The following CLIC5 variants were observed in gnomAD, a reference collection of about 807,000 sequenced individuals.
The protein encoded by CLIC5 is CLIC family member 5, also known as chloride intracellular channel protein 5.
CLIC5 carries 20 observed loss-of-function variants against 24.7 expected under a neutral mutation model. The observed-to-expected ratio is 0.81, with a 90% CI of 0.57 to 1.18. The LOEUF (loss-of-function observed/expected upper bound fraction) is 1.18. Ranked by LOEUF, CLIC5 falls within the 50% of genes most tolerant of loss-of-function variation. The pLI, the probability that CLIC5 is intolerant of heterozygous loss-of-function variation, is 0.00. For synonymous variants in CLIC5, 159 were observed against 135.6 expected, an observed-to-expected ratio of 1.17 and a Z score of -1.20; for missense variants, 341 against 326.1, an observed-to-expected ratio of 1.05 and a Z score of -0.35.
chr6:46,030,604 G>A (rs982364500), intron 1 of CLIC5, among the ~76,000 whole-genome samples: 1 of 152,254 alleles, frequency 6.6e-6, no homozygotes, highest in Admixed American at 6.5e-5. Context: ...CCTGCTCCCT[G>A]TGTTCTTCCC....
chr6:45,969,716 TAAAA>T (rs1200927953), intron 1 of CLIC5, among the ~76,000 whole-genome samples: 2 of 151,738 alleles, frequency 1.3e-5, no homozygotes, highest in Admixed American at 6.6e-5. Flanking sequence ...TTTATTCCCT[TAAAA>T]GAGTAAACTG....
chr6:45,977,510 C>T (rs1765424492), intron 1 of CLIC5, among the ~76,000 whole-genome samples: 1 of 152,142 alleles, frequency 6.6e-6, no homozygotes, highest in African/African-American at 2.4e-5. Flanking sequence ...CCCTTTTGAG[C>T]CCATACTCAG....
the CLIC5 span, among the ~76,000 whole-genome samples, chr6:46,108,255 A>G: frequency 6.6e-6 from 1 of 152,082 alleles, no homozygotes; most frequent in Non-Finnish European, 1.5e-5. Context: ...TTTTTAGAAC[A>G]TGATTTTTGT....
intron 1 of CLIC5, among the ~76,000 whole-genome samples, chr6:46,054,982 A>G (rs576540720): frequency 1.3e-5 from 2 of 152,260 alleles, no homozygotes; most frequent in East Asian, 1.9e-4. Context: ...TGCTATTACC[A>G]TTTGGGCCAA....
intron 1 of CLIC5, among the ~76,000 whole-genome samples, chr6:45,959,214 C>CT (rs755174557): frequency 1.3e-5 from 2 of 151,974 alleles, no homozygotes; most frequent in Admixed American, 6.6e-5. Context: ...TCTTAGAACT[C>CT]TTTTATGCTT....
rs370470268 is a variant in CLIC5, at chr6:45,903,045, G to A, written c.*43C>T. 72 of 1,609,468 alleles carry A rather than the reference G, an allele frequency of 4.5e-5. No homozygotes were observed. Among genetic ancestry groups the A allele is most frequent in the Non-Finnish European group, 5.7e-5 (67 of 1,176,880 alleles). Reference sequence around the variant, plus strand: ...TATGAAGCTGGAGTCTTAGGGGAGTGGTTGAGTCCTTCTGCAGCGGGGATG... The same window carrying A: ...TATGAAGCTGGAGTCTTAGGGGAGTAGTTGAGTCCTTCTGCAGCGGGGATG... On this transcript the variant is annotated 3_prime_UTR_variant, in exon 6 of 6. Transcript: ENST00000339561.
the CLIC5 span, among the ~76,000 whole-genome samples, chr6:46,114,292 T>C: frequency 6.6e-6 from 1 of 152,208 alleles, no homozygotes; most frequent in Non-Finnish European, 1.5e-5. Flanking sequence ...GGTTGTGGGA[T>C]TCTCCTTTAC....
At chr6:46,041,879 G>T (rs1767817969) in intron 1 of CLIC5, among the ~76,000 whole-genome samples, 1 of 152,110 alleles carries the variant, frequency 6.6e-6, no homozygotes, top group Non-Finnish European at 1.5e-5. Context: ...ATTATTATTT[G>T]TTAATAATAA....
the CLIC5 span, among the ~76,000 whole-genome samples, chr6:46,088,117 T>C: frequency 3.3e-5 from 5 of 149,814 alleles, no homozygotes; most frequent in African/African-American, 1.2e-4. Context: ...TCTTATATTA[T>C]AAAACCAAAG....
At chr6:45,958,523 T>A (rs4429946) in intron 1 of CLIC5, among the ~76,000 whole-genome samples, 2 of 134,462 alleles carry the variant, frequency 1.5e-5, no homozygotes, top group African/African-American at 5.7e-5. Flanking sequence ...GCTTTGAACA[T>A]GATTGCCAGC....
chr6:46,123,876 G>A, the CLIC5 span, among the ~76,000 whole-genome samples: 1 of 152,110 alleles, frequency 6.6e-6, no homozygotes, highest in Non-Finnish European at 1.5e-5. Context: ...AGCTTACAAG[G>A]GATGTGAAGG....
intron 1 of CLIC5, among the ~76,000 whole-genome samples, chr6:46,056,179 G>A: frequency 6.6e-6 from 1 of 152,154 alleles, no homozygotes; most frequent in East Asian, 1.9e-4. Context: ...AAACTAGAAA[G>A]GGGTAGTGCT....
At chr6:45,954,769 C>A (rs1172845043) in intron 2 of CLIC5, among the ~76,000 whole-genome samples, 1 of 152,230 alleles carries the variant, frequency 6.6e-6, no homozygotes, top group South Asian at 2.1e-4. Flanking sequence ...CAGACTCTCA[C>A]ACCTGAAGTC....
At chr6:45,908,790 A>G (rs1045325917) in intron 5 of CLIC5, among the ~76,000 whole-genome samples, 1 of 152,084 alleles carries the variant, frequency 6.6e-6, no homozygotes, top group Non-Finnish European at 1.5e-5. Flanking sequence ...GTTATGTCCA[A>G]TTGTCAAGTG....
intron 4 of CLIC5, among the ~76,000 whole-genome samples, chr6:45,915,171 G>A (rs1033531362): frequency 2.0e-4 from 30 of 151,884 alleles, no homozygotes; most frequent in African/African-American, 6.8e-4. Context: ...CTCATGATCG[G>A]CCCGCCTTGG....
At chr6:45,887,086 T>A (rs1762311347) in intron 6 of CLIC5, among the ~76,000 whole-genome samples, 1 of 152,198 alleles carries the variant, frequency 6.6e-6, no homozygotes, top group Admixed American at 6.5e-5. Flanking sequence ...ACATTCCATT[T>A]TGTCTGGGAA....
chr6:45,968,577 A>G (rs1765092910), intron 1 of CLIC5, among the ~76,000 whole-genome samples: 1 of 152,152 alleles, frequency 6.6e-6, no homozygotes. Context: ...AAGGGCAGGC[A>G]CTCTTATCAC....
chr6:46,075,820 G>A (rs1762751139), intron 1 of CLIC5, among the ~76,000 whole-genome samples: 1 of 151,958 alleles, frequency 6.6e-6, no homozygotes, highest in Non-Finnish European at 1.5e-5. Flanking sequence ...ACACATTAGC[G>A]AATATCAGCT....
chr6:45,900,753 C>G lies in CLIC5; in HGVS notation c.*2335G>C, dbSNP rs1198514235. On this transcript the variant is annotated 3_prime_UTR_variant, in exon 6 of 6. Transcript: ENST00000339561. Reference sequence around the variant, plus strand: ...TGGCTATCATTGATCATATAACACCCCCACCTCCTTGTCTTAATATATTTA... The same window carrying G: ...TGGCTATCATTGATCATATAACACCGCCACCTCCTTGTCTTAATATATTTA... The G allele has an allele frequency of 6.6e-6, 1 of 152,088 alleles. No individual in the cohort carries two copies. The highest frequency in any genetic ancestry group is 2.1e-4 in the South Asian group (1 of 4,818). 9.4% of individuals were successfully genotyped at this position (152,088 alleles called of 1,614,324 possible). A position where few individuals can be genotyped will look rare whatever the true frequency, so the allele number is the denominator to read the frequency against.
Sources: allele counts gnomAD v4.1 joint callset (sites outside exome capture counted in the v4.1 genomes callset), GRCh38; gene constraint gnomAD v4.1.1; transcripts MANE v1.5; gene names NCBI Gene and HGNC (gene_info 2026-07-23, HGNC 2026-07-21).